Variants in PRMT3 observed in about 807,000 individuals in gnomAD.
PRMT3 encodes protein arginine N-methyltransferase 3.
PRMT3 carries 62 observed loss-of-function variants against 71.9 expected under a neutral mutation model. The ratio of observed to expected loss-of-function variants is 0.86; its 90% CI spans 0.70 to 1.07. The LOEUF is 1.07. Ranked by LOEUF, PRMT3 falls within the 50% of genes least tolerant of loss-of-function variation. The probability of loss-of-function intolerance (pLI) is 0.00; values close to 1 mark genes in which losing one functional copy is unlikely to be tolerated. For synonymous variants in PRMT3, 213 were observed against 220.4 expected (o/e 0.97, Z 0.30); for missense variants, 663 against 643.0 (o/e 1.03, Z -0.34).
intron 6 of PRMT3, 58 bp downstream of exon 6, chr11:20,396,020 A>G: frequency 1.3e-6 from 2 of 1,495,078 alleles, no homozygotes; most frequent in South Asian, 2.4e-5. Context: ...ATACAACCTA[A>G]TGGCAAAGTA....
At chr11:20,477,997 C>T (rs1565230541) in intron 13 of PRMT3, among the ~76,000 whole-genome samples, 2 of 152,178 alleles carry the variant, frequency 1.3e-5, no homozygotes, top group Non-Finnish European at 1.5e-5. Context: ...GTTCTTGTGA[C>T]TGTGGCATTT....
intron 10 of PRMT3, among the ~76,000 whole-genome samples, chr11:20,432,265 T>C (rs541339707): frequency 1.3e-5 from 2 of 152,266 alleles, no homozygotes; most frequent in East Asian, 3.9e-4. Context: ...ATTTTTATTT[T>C]AAACTCTAAA....
intron 15 of PRMT3, among the ~76,000 whole-genome samples, chr11:20,504,707 T>TGTGTGAGAGAGAGAGAGAGAGAGAGA (rs1332372470): frequency 1.5e-5 from 2 of 133,590 alleles, no homozygotes; most frequent in African/African-American, 6.1e-5. Flanking sequence ...TGTGTGTGTG[T>TGTGTGAGAGAGAGAGAGAGAGAGAGA]GAGAGAGAGA....
chr11:20,414,724 A>G (rs765541247), intron 9 of PRMT3, among the ~76,000 whole-genome samples: 1 of 152,126 alleles, frequency 6.6e-6, no homozygotes, highest in Non-Finnish European at 1.5e-5. Flanking sequence ...ATATGGCCAT[A>G]ATGCAGTACA....
At chr11:20,398,577 C>T (rs528784366) in intron 7 of PRMT3, among the ~76,000 whole-genome samples, 117 of 152,302 alleles carry the variant, frequency 7.7e-4, no homozygotes, top group Middle Eastern at 6.8e-3. Context: ...CTCAGCCTAC[C>T]GAGTAGCTGG....
chr11:20,449,618 TAAATG>T (rs1318616204), intron 10 of PRMT3, among the ~76,000 whole-genome samples: 1 of 152,126 alleles, frequency 6.6e-6, no homozygotes, highest in African/African-American at 2.4e-5. Context: ...GGGGAAGAAT[TAAATG>T]AAATAATTTT....
intron 10 of PRMT3, among the ~76,000 whole-genome samples, chr11:20,445,321 T>C (rs1850000985): frequency 6.6e-6 from 1 of 152,112 alleles, no homozygotes; most frequent in East Asian, 1.9e-4. Context: ...ATTTGCAAGA[T>C]ATGAAAGAGT....
At chr11:20,498,614 C>T (rs915820763) in intron 15 of PRMT3, among the ~76,000 whole-genome samples, 4 of 152,050 alleles carry the variant, frequency 2.6e-5, no homozygotes, top group Non-Finnish European at 5.9e-5. Context: ...CCTGTAATCC[C>T]GGCTATTCGG....
intron 13 of PRMT3, among the ~76,000 whole-genome samples, chr11:20,490,477 T>G (rs1020952684): frequency 2.0e-5 from 3 of 151,738 alleles, no homozygotes; most frequent in Non-Finnish European, 4.4e-5. Context: ...ATTTGGAGAT[T>G]GATTAATAAG....
At chr11:20,481,929 A>G (rs1412981358) in intron 13 of PRMT3, among the ~76,000 whole-genome samples, 1 of 152,072 alleles carries the variant, frequency 6.6e-6, no homozygotes, top group Non-Finnish European at 1.5e-5. Flanking sequence ...TTTTGGAAAC[A>G]TTACCATTAT....
At chr11:20,398,250 G>T (rs578105698) in intron 7 of PRMT3, among the ~76,000 whole-genome samples, 2 of 152,154 alleles carry the variant, frequency 1.3e-5, no homozygotes, top group South Asian at 4.2e-4. Context: ...ACTGACTTTT[G>T]TTTGGGCCAA....
At chr11:20,477,805 C>T (rs1172853829) in intron 13 of PRMT3, among the ~76,000 whole-genome samples, 2 of 133,012 alleles carry the variant, frequency 1.5e-5, no homozygotes, top group Non-Finnish European at 3.2e-5. Flanking sequence ...AGGAGAAACC[C>T]CCCCCCCCCA....
intron 6 of PRMT3, 119 bp downstream of exon 6, chr11:20,396,081 T>C: frequency 1.2e-6 from 1 of 868,014 alleles, no homozygotes; most frequent in South Asian, 1.9e-5. Context: ...AGATATTTTA[T>C]CTTCATACTG....
At chr11:20,453,243 G>A (rs763578823) in intron 11 of PRMT3, among the ~76,000 whole-genome samples, 1 of 150,880 alleles carries the variant, frequency 6.6e-6, no homozygotes. Flanking sequence ...CACTCTGAGA[G>A]GCCATGGCAG....
At position 20,397,608 on chromosome 11, in the gene PRMT3, G is replaced by A; in HGVS notation, c.592G>A (p.Asp198Asn). 1 of 1,614,126 alleles carries A rather than the reference G, an allele frequency of 6.2e-7. No homozygotes were observed. The highest frequency in any genetic ancestry group is 1.7e-5 in the Admixed American group (1 of 60,014). ...TGCTCAGGATTTTGTGATGCACACA[G>A]ATGTCAGAACCTGCTCGTCATCTAC... is the stretch of plus-strand genomic sequence containing the variant. The part of the protein sequence containing the change: ...QFAQDFVMHT[D>N]VRTCSSSTSV... Residue 198 changes from aspartate (D) to asparagine (N), a missense_variant, in exon 7 of 16, where the codon GAT becomes AAT. Physicochemically the swap from Asp to Asn is conservative, Grantham distance 23 (BLOSUM62 1). Coordinates refer to ENST00000331079, the MANE Select transcript of PRMT3 (RefSeq NM_005788.4).
Position 20,392,894 on chromosome 11 carries a change from C to T in PRMT3, c.298-3C>T, listed in dbSNP as rs774576908. ...AAAAACATGAGATTAATTTTATATC[C>T]AGAATCCTACAGTTGAGTACATGAA... On this transcript the variant is annotated splice_polypyrimidine_tract_variant and splice_region_variant and intron_variant, in intron 4 of 15. Transcript: ENST00000331079. The T allele has an allele frequency of 1.0e-4, 156 of 1,545,860 alleles. No homozygotes were observed. The highest frequency in any genetic ancestry group is 1.3e-4 in the Non-Finnish European group (145 of 1,125,380).
intron 9 of PRMT3, among the ~76,000 whole-genome samples, chr11:20,409,288 G>C (rs963359350): frequency 6.6e-6 from 1 of 152,070 alleles, no homozygotes; most frequent in African/African-American, 2.4e-5. Flanking sequence ...ACCAGTACTT[G>C]GAACTTCGGT....
intron 15 of PRMT3, among the ~76,000 whole-genome samples, chr11:20,504,684 T>TTG (rs36130968): frequency 0.021 from 2,508 of 120,618 alleles, 109 homozygotes; most frequent in African/African-American, 0.052. Context: ...ATCTCAAGTA[T>TTG]TGTATGTGTG....
At position 20,494,577 on chromosome 11, in the gene PRMT3, G is replaced by A. The variant is rs189575093; in HGVS notation, c.1486+323G>A. Among the ~76,000 whole-genome samples the A allele has an allele frequency of 3.5e-4, 53 of 152,164 alleles. No homozygotes were observed. In the East Asian group the frequency reaches 6.8e-3, roughly 19 times the overall value. ...TGACCTCAAGTGATCCACCTGCCTCGGCCCCCCCAAAGTGCTGGGATTGCA... is the reference window on the plus strand; with the variant it reads ...TGACCTCAAGTGATCCACCTGCCTCAGCCCCCCCAAAGTGCTGGGATTGCA... On this transcript the variant is annotated intron_variant, in intron 15 of 15. Transcript: ENST00000331079.
Sources: allele counts gnomAD v4.1 joint callset (sites outside exome capture counted in the v4.1 genomes callset), GRCh38; gene constraint gnomAD v4.1.1; transcripts MANE v1.5; gene names NCBI Gene and HGNC (gene_info 2026-07-23, HGNC 2026-07-21).